The following PTCHD4 variants were observed in gnomAD, a reference collection of about 807,000 sequenced individuals.
PTCHD4 encodes patched domain containing 4, also known as patched domain-containing protein 4.
A neutral mutation model predicts 58.1 loss-of-function variants in PTCHD4; 33 were observed. That is an observed-to-expected ratio of 0.57 (90% CI 0.43 to 0.76). PTCHD4 has a LOEUF of 0.76. Ranked by LOEUF, PTCHD4 falls within the 30% of genes least tolerant of loss-of-function variation. The probability of loss-of-function intolerance (pLI) is 0.00; values close to 1 mark genes in which losing one functional copy is unlikely to be tolerated. For missense variants in PTCHD4, 1,058 were observed against 1,027.1 expected (o/e 1.03, Z -0.41); for synonymous variants, 478 against 409.6 (o/e 1.17, Z -2.02).
chr6:47,876,143 T>C lies in PTCHD4; in HGVS notation c.*2160A>G, dbSNP rs1330721030. 6.6e-6 allele frequency among the ~76,000 whole-genome samples: 1 copy of C among 151,642 alleles called. No homozygotes were observed. Among genetic ancestry groups the C allele is most frequent in the Non-Finnish European group, 1.5e-5 (1 of 67,846 alleles). On this transcript the variant is annotated 3_prime_UTR_variant, in exon 5 of 5. Coordinates refer to ENST00000339488, the MANE Select transcript of PTCHD4 (RefSeq NM_001384253.1). ...CCTCCTCTGAAACTTCTACTTCAGA[T>C]ATGAGATCATGGTCTGGAGGCTACT...
At chr6:47,936,056 A>AACAAGC (rs1421021089) in intron 4 of PTCHD4, among the ~76,000 whole-genome samples, 2 of 152,170 alleles carry the variant, frequency 1.3e-5, no homozygotes, top group African/African-American at 4.8e-5. Flanking sequence ...GAGCTTGTGA[A>AACAAGC]TCTTTGGAAA....
chr6:48,006,533 G>T (rs542975423), intron 4 of PTCHD4, among the ~76,000 whole-genome samples: 1 of 152,016 alleles, frequency 6.6e-6, no homozygotes, highest in Non-Finnish European at 1.5e-5. Flanking sequence ...CATGCTGTAT[G>T]GTTCTTATAA....
intron 3 of PTCHD4, among the ~76,000 whole-genome samples, chr6:48,036,455 C>T (rs181119324): frequency 6.6e-6 from 1 of 152,050 alleles, no homozygotes; most frequent in Non-Finnish European, 1.5e-5. Flanking sequence ...GTTGCAAAAC[C>T]TCCTGAGTAG....
intron 3 of PTCHD4, among the ~76,000 whole-genome samples, chr6:48,042,278 C>T (rs757660804): frequency 4.6e-5 from 7 of 151,978 alleles, no homozygotes; most frequent in Non-Finnish European, 8.8e-5. Flanking sequence ...TACATAGCTT[C>T]CTATCAGGCA....
At chr6:47,978,370 A>G (rs1767771115) in intron 4 of PTCHD4, among the ~76,000 whole-genome samples, 1 of 152,184 alleles carries the variant, frequency 6.6e-6, no homozygotes, top group Non-Finnish European at 1.5e-5. Context: ...GGTATGAGTT[A>G]GAGGTCTGGA....
chr6:48,069,263 C>T lies in PTCHD4; in HGVS notation c.-306G>A, dbSNP rs1196860676. ...AGTTATTTTTAGAGTTTTGTGTTCC[C>T]TCTTCCCTCCCCGCTGGAGTGAATT... On this transcript the variant is annotated 5_prime_UTR_variant, in exon 2 of 5. Transcript: ENST00000339488. 6.6e-6 allele frequency among the ~76,000 whole-genome samples: 1 copy of T among 151,670 alleles called. No individual in the cohort carries two copies. The highest frequency in any genetic ancestry group is 1.9e-4 in the East Asian group (1 of 5,166).
chr6:48,106,758 G>T (rs1356528069), intron 1 of PTCHD4, among the ~76,000 whole-genome samples: 1 of 152,092 alleles, frequency 6.6e-6, no homozygotes, highest in South Asian at 2.1e-4. Flanking sequence ...GCAGTCTCAG[G>T]ATACAAAATC....
Position 48,057,071 on chromosome 6 carries a change from G to A in PTCHD4, c.417+11159C>T, listed in dbSNP as rs185161601. ...CTTGCTATATTTGGCAACCCATCAGGTGCCCAAGCATATGCTCTCTGCAAC... is the reference window on the plus strand; with the variant it reads ...CTTGCTATATTTGGCAACCCATCAGATGCCCAAGCATATGCTCTCTGCAAC... On this transcript the variant is annotated intron_variant, in intron 3 of 4. Transcript: ENST00000339488. 2.8e-3 allele frequency among the ~76,000 whole-genome samples: 431 copies of A among 152,310 alleles called. 1 individual carries two copies. The highest frequency in any genetic ancestry group is 4.0e-3 in the Non-Finnish European group (271 of 68,034).
At chr6:47,890,045 ATGTG>A (rs372236322) in intron 4 of PTCHD4, among the ~76,000 whole-genome samples, 12 of 150,104 alleles carry the variant, frequency 8.0e-5, no homozygotes, top group Admixed American at 4.0e-4. Context: ...ATATATATAT[ATGTG>A]TGTGTGTGTG....
At chr6:48,000,258 A>G (rs1307008174) in intron 4 of PTCHD4, among the ~76,000 whole-genome samples, 1 of 152,158 alleles carries the variant, frequency 6.6e-6, no homozygotes, top group African/African-American at 2.4e-5. Context: ...ATTATTTGTT[A>G]TTACAGCATA....
At chr6:48,070,928 T>C (rs960268821) in intron 1 of PTCHD4, among the ~76,000 whole-genome samples, 8 of 152,234 alleles carry the variant, frequency 5.3e-5, no homozygotes, top group African/African-American at 1.9e-4. Context: ...CTATATCCTC[T>C]ACGTTAAATT....
intron 1 of PTCHD4, among the ~76,000 whole-genome samples, chr6:48,075,265 T>C (rs1205657209): frequency 1.3e-5 from 2 of 152,194 alleles, no homozygotes; most frequent in African/African-American, 4.8e-5. Context: ...CTTATTCTAA[T>C]GGTAAAATAT....
intron 1 of PTCHD4, among the ~76,000 whole-genome samples, chr6:48,102,548 G>C (rs945918911): frequency 3.9e-5 from 6 of 152,198 alleles, no homozygotes; most frequent in Non-Finnish European, 4.4e-5. Context: ...TGCAGAAGAC[G>C]GGTGATTTCT....
chr6:47,880,837 A>T (rs1763999239), intron 4 of PTCHD4, among the ~76,000 whole-genome samples: 1 of 152,160 alleles, frequency 6.6e-6, no homozygotes, highest in Non-Finnish European at 1.5e-5. Flanking sequence ...AGCTCTTAAG[A>T]TACTACCACT....
rs1287538050 is a variant in PTCHD4, at chr6:47,863,587, C to G, written c.*14716G>C. The stretch of plus-strand genomic sequence containing the variant: ...TTAGTATAGTAGATTCCAAATATTG[C>G]ATGAAACATACTTGTACTAAAAATT... On this transcript the variant is annotated 3_prime_UTR_variant, in exon 5 of 5. Transcript: ENST00000339488. Among the ~76,000 whole-genome samples, 2 of 151,840 alleles carry G rather than the reference C, an allele frequency of 1.3e-5. No homozygotes were observed. Among genetic ancestry groups the G allele is most frequent in the African/African-American group, 4.8e-5 (2 of 41,388 alleles).
At chr6:48,051,694 C>G (rs1764240503) in intron 3 of PTCHD4, among the ~76,000 whole-genome samples, 1 of 151,948 alleles carries the variant, frequency 6.6e-6, no homozygotes, top group South Asian at 2.1e-4. Context: ...AGTAACTGAT[C>G]ATAGCAAAAT....
intron 4 of PTCHD4, among the ~76,000 whole-genome samples, chr6:47,938,243 G>T (rs1766082698): frequency 6.6e-6 from 1 of 152,192 alleles, no homozygotes; most frequent in African/African-American, 2.4e-5. Flanking sequence ...GAGGACTGAG[G>T]ATTAATCATT....
intron 4 of PTCHD4, among the ~76,000 whole-genome samples, chr6:47,904,195 T>A (rs1289140738): frequency 1.3e-5 from 2 of 152,130 alleles, no homozygotes; most frequent in Non-Finnish European, 2.9e-5. Flanking sequence ...TTAGATAAGA[T>A]CACCTTGGTT....
At position 48,068,718 on chromosome 6, in the gene PTCHD4, C is replaced by CCCTCCCCACCGCCGCCG; in HGVS notation, c.6-94_6-78dup. 5 of 1,394,734 alleles carry CCCTCCCCACCGCCGCCG rather than the reference C, an allele frequency of 3.6e-6. No homozygotes were observed. The highest frequency in any genetic ancestry group is 3.8e-6 in the Non-Finnish European group (4 of 1,051,076). The allele number at this position is 1,394,734 out of a possible 1,614,324, so 86.4% of individuals were successfully genotyped here. A position where few individuals can be genotyped will look rare whatever the true frequency, so the allele number is the denominator to read the frequency against. On this transcript the variant is annotated intron_variant, in intron 2 of 4. Transcript: ENST00000339488. The surrounding 1 kb of genome is among the most constrained non-coding windows in gnomAD (Gnocchi z 4.2). ...CATCCCACCCCCTGGGGCCAGTCCCCCCTCCCCACCGCCGCCGCCTCCCCA... is the reference window on the plus strand; with the variant it reads ...CATCCCACCCCCTGGGGCCAGTCCCCCCTCCCCACCGCCGCCGCCTCCCCACCGCCGCCGCCTCCCCA...
Sources: gnomAD v4.1 joint callset for allele counts (sites outside exome capture counted in the v4.1 genomes callset) on GRCh38, gnomAD v4.1.1 for gene constraint, Gnocchi (gnomAD v3.1) non-coding constraint, MANE v1.5 for transcripts, NCBI Gene and HGNC (gene_info 2026-07-23, HGNC 2026-07-21) for gene names.